Variants in PUM1 observed in about 807,000 individuals in gnomAD.
The protein encoded by PUM1 is pumilio RNA binding family member 1, also known as pumilio homolog 1.
Under a neutral mutation model 131.8 loss-of-function variants are expected in PUM1, and 13 were observed. The ratio of observed to expected loss-of-function variants is 0.10; its 90% CI spans 0.06 to 0.16. The LOEUF is 0.16. Ranked by LOEUF, PUM1 falls within the 10% of genes least tolerant of loss-of-function variation. The pLI is 1.00. For missense variants in PUM1, 961 were observed against 1,512.4 expected (o/e 0.64, Z 6.05); for synonymous variants, 509 against 556.5 (o/e 0.91, Z 1.20).
intron 13 of PUM1, among the ~76,000 whole-genome samples, chr1:30,965,134 T>C (rs1036802672): frequency 6.6e-6 from 1 of 152,122 alleles, no homozygotes; most frequent in Admixed American, 6.5e-5. Context: ...TACCTTCCTA[T>C]GGTGTCGTAT....
chr1:31,035,959 C>A (rs149179791), intron 2 of PUM1, among the ~76,000 whole-genome samples: 1 of 152,270 alleles, frequency 6.6e-6, no homozygotes, highest in East Asian at 1.9e-4. Context: ...AAACACCAGG[C>A]ACTGGCACTG....
intron 21 of PUM1, chr1:30,935,629 CA>C: frequency 2.2e-6 from 1 of 452,098 alleles, no homozygotes; most frequent in Non-Finnish European, 4.5e-6. Context: ...CTGCCACTGC[CA>C]ACACCAGTGC....
At chr1:31,021,156 T>G (rs1299994186) in intron 3 of PUM1, among the ~76,000 whole-genome samples, 1 of 152,202 alleles carries the variant, frequency 6.6e-6, no homozygotes, top group Admixed American at 6.5e-5. Context: ...CGGATTCAAT[T>G]TGGGTAACAG....
intron 13 of PUM1, 104 bp from the exon 14 acceptor site, chr1:30,965,014 A>C: frequency 1.1e-6 from 1 of 895,308 alleles, no homozygotes; most frequent in Non-Finnish European, 1.8e-6. Flanking sequence ...TTACCACCGC[A>C]AATTTGTCAG....
chr1:30,935,651 A>G, intron 21 of PUM1: 1 of 441,684 alleles, frequency 2.3e-6, no homozygotes, highest in South Asian at 1.6e-5. Context: ...AGTGGTTTGG[A>G]TTGGTTTAGC....
At chr1:30,992,741 C>CT in intron 6 of PUM1, 81 bp from the exon 7 acceptor site, 2 of 1,130,334 alleles carry the variant, frequency 1.8e-6, no homozygotes, top group Non-Finnish European at 2.6e-6. Context: ...GGACAATGTC[C>CT]TCAACATAGC....
chr1:31,053,017 C>CTT (rs1192239160), intron 2 of PUM1, among the ~76,000 whole-genome samples: 3 of 131,134 alleles, frequency 2.3e-5, no homozygotes, highest in Non-Finnish European at 4.9e-5. Context: ...TATCCATCAT[C>CTT]TTTTTTTTTT....
chr1:31,052,153 C>T (rs1644127093), intron 2 of PUM1, among the ~76,000 whole-genome samples: 1 of 152,012 alleles, frequency 6.6e-6, no homozygotes, highest in Non-Finnish European at 1.5e-5. Flanking sequence ...GCTGGGACTA[C>T]AGGCGCCCAC....
intron 2 of PUM1, among the ~76,000 whole-genome samples, chr1:31,051,756 G>C (rs1237275813): frequency 6.6e-6 from 1 of 152,130 alleles, no homozygotes; most frequent in Non-Finnish European, 1.5e-5. Context: ...CCTTCCCCCA[G>C]GGCAAAGCTT....
At chr1:31,061,863 G>C (rs1644376181) in intron 1 of PUM1, 1 of 152,150 alleles carries the variant, frequency 6.6e-6, no homozygotes, top group African/African-American at 2.4e-5. Context: ...TGAGGTGGGA[G>C]GATCATTTGA....
At chr1:30,975,077 G>A (rs910063896) in intron 9 of PUM1, among the ~76,000 whole-genome samples, 2 of 152,144 alleles carry the variant, frequency 1.3e-5, no homozygotes, top group East Asian at 3.9e-4. Context: ...GATAGAAGGG[G>A]TTCAATTTAA....
At chr1:31,012,180 A>G (rs1433481564) in intron 3 of PUM1, among the ~76,000 whole-genome samples, 1 of 149,572 alleles carries the variant, frequency 6.7e-6, no homozygotes, top group Non-Finnish European at 1.5e-5. Context: ...AAACACAACC[A>G]TCCTTGTCCA....
intron 3 of PUM1, among the ~76,000 whole-genome samples, chr1:31,023,817 C>G (rs1364276953): frequency 5.3e-5 from 8 of 150,854 alleles, no homozygotes; most frequent in Admixed American, 5.3e-4. Context: ...TACTCCCAGC[C>G]ACTCAAGAGG....
chr1:30,997,320 G>A (rs774909254), intron 5 of PUM1, among the ~76,000 whole-genome samples: 2 of 152,064 alleles, frequency 1.3e-5, no homozygotes, highest in Non-Finnish European at 2.9e-5. Context: ...AGACCAGCCT[G>A]GCTAACATGG....
At chr1:30,948,202 G>A (rs1028469178) in intron 17 of PUM1, among the ~76,000 whole-genome samples, 2 of 151,792 alleles carry the variant, frequency 1.3e-5, no homozygotes, top group Non-Finnish European at 2.9e-5. Flanking sequence ...GGGAATTGTG[G>A]GAATAATTAT....
intron 7 of PUM1, among the ~76,000 whole-genome samples, chr1:30,984,074 CTTTT>C: frequency 6.6e-6 from 1 of 152,316 alleles, no homozygotes; most frequent in African/African-American, 2.4e-5. Context: ...GGAACTATTA[CTTTT>C]AACTAAAAGC....
chr1:30,960,518 T>A (rs1640360636), intron 14 of PUM1, among the ~76,000 whole-genome samples: 1 of 152,146 alleles, frequency 6.6e-6, no homozygotes, highest in Non-Finnish European at 1.5e-5. Context: ...CCAAAAACCA[T>A]TAGAACTACT....
chr1:31,022,223 C>T (rs1303906677), intron 3 of PUM1, among the ~76,000 whole-genome samples: 1 of 152,068 alleles, frequency 6.6e-6, no homozygotes, highest in African/African-American at 2.4e-5. Flanking sequence ...AGATTCATAT[C>T]GATAATGATA....
chr1:30,997,290 C>T (rs974505720), intron 5 of PUM1, among the ~76,000 whole-genome samples: 5 of 152,114 alleles, frequency 3.3e-5, no homozygotes, highest in Admixed American at 2.0e-4. Flanking sequence ...AAGGCAGGAT[C>T]ACTTGAGCTC....
Sources: gnomAD v4.1 joint callset for allele counts (sites outside exome capture counted in the v4.1 genomes callset) on GRCh38, gnomAD v4.1.1 for gene constraint, MANE v1.5 for transcripts, NCBI Gene and HGNC (gene_info 2026-07-23, HGNC 2026-07-21) for gene names.